EPB41: variants seen among roughly 807,000 people sequenced by gnomAD.
EPB41 encodes erythrocyte membrane protein band 4.1.
EPB41 carries 65 observed loss-of-function variants against 108.0 expected under a neutral mutation model. The ratio of observed to expected loss-of-function variants is 0.60; its 90% CI spans 0.49 to 0.74. The LOEUF (loss-of-function observed/expected upper bound fraction) is 0.74. Among genes scored for constraint, EPB41 ranks in the 30% least tolerant of loss-of-function variants. The pLI is 0.00. For missense variants in EPB41, 875 were observed against 1,037.0 expected (o/e 0.84, Z 2.15); for synonymous variants, 336 against 358.9 (o/e 0.94, Z 0.72).
intron 16 of EPB41, among the ~76,000 whole-genome samples, chr1:29,074,838 G>T (rs1027422772): frequency 6.6e-6 from 1 of 152,194 alleles, no homozygotes; most frequent in African/African-American, 2.4e-5. Context: ...TAACATTGTG[G>T]AGAAAACACA....
intron 15 of EPB41, among the ~76,000 whole-genome samples, chr1:29,064,110 G>A (rs1646957367): frequency 6.6e-6 from 1 of 152,052 alleles, no homozygotes; most frequent in Non-Finnish European, 1.5e-5. Flanking sequence ...TGCTGGAACA[G>A]TTGAATTATT....
intron 1 of EPB41, among the ~76,000 whole-genome samples, chr1:28,899,894 C>A (rs1269360852): frequency 6.6e-6 from 1 of 152,178 alleles, no homozygotes; most frequent in Non-Finnish European, 1.5e-5. Context: ...TCACCCCTTA[C>A]CAGCTGTGAG....
intron 1 of EPB41, among the ~76,000 whole-genome samples, chr1:28,903,322 C>CTTTTTTTTTTTTT (rs1469847584): frequency 4.2e-5 from 6 of 144,404 alleles, no homozygotes; most frequent in African/African-American, 8.0e-5. Context: ...TTTTTCTTTT[C>CTTTTTTTTTTTTT]TTTCTTTTTT....
intron 1 of EPB41, among the ~76,000 whole-genome samples, chr1:28,942,204 A>G (rs12038347): frequency 0.12 from 18,031 of 152,180 alleles, 1,379 homozygotes; most frequent in East Asian, 0.37. Context: ...GCAATTCTCC[A>G]AAGGATAGCA....
intron 1 of EPB41, among the ~76,000 whole-genome samples, chr1:28,892,857 G>A (rs2090279717): frequency 7.4e-6 from 1 of 134,912 alleles, no homozygotes; most frequent in Non-Finnish European, 1.5e-5. Context: ...AGGCTGGAGT[G>A]TAGTGGTGCG....
intron 1 of EPB41, among the ~76,000 whole-genome samples, chr1:28,944,390 A>G (rs1402027298): frequency 6.6e-6 from 1 of 152,230 alleles, no homozygotes; most frequent in East Asian, 1.9e-4. Flanking sequence ...CTCAAAAGAT[A>G]AAAATGCTTG....
intron 9 of EPB41, 81 bp downstream of exon 9, chr1:29,033,326 G>A (rs2096814340): frequency 6.5e-7 from 1 of 1,532,886 alleles, no homozygotes; most frequent in South Asian, 1.1e-5. Context: ...TCCTTATTAA[G>A]TCATCTGAGA....
intron 11 of EPB41, among the ~76,000 whole-genome samples, chr1:29,047,566 T>C (rs2150608269): frequency 6.6e-6 from 1 of 152,080 alleles, no homozygotes; most frequent in East Asian, 1.9e-4. Flanking sequence ...GTTGTGTTTT[T>C]CTAGGAAATG....
intron 12 of EPB41, among the ~76,000 whole-genome samples, chr1:29,057,373 C>CAA (rs72047998): frequency 0.36 from 23,261 of 64,910 alleles, 4,547 homozygotes; most frequent in Non-Finnish European, 0.43. Context: ...GACTCTGTCT[C>CAA]AAAAAAAAAA....
At chr1:28,928,479 G>T (rs1176550172) in intron 1 of EPB41, among the ~76,000 whole-genome samples, 1 of 152,174 alleles carries the variant, frequency 6.6e-6, no homozygotes, top group South Asian at 2.1e-4. Flanking sequence ...AAACAGTACA[G>T]GGGTGTTGGG....
intron 7 of EPB41, among the ~76,000 whole-genome samples, chr1:29,020,069 TTTTTTA>T (rs1346906031): frequency 2.0e-5 from 3 of 152,148 alleles, no homozygotes; most frequent in South Asian, 4.1e-4. Flanking sequence ...ATTGTTTTTA[TTTTTTA>T]TTTTTATTTT....
chr1:28,918,297 C>A (rs1156960383), intron 1 of EPB41, among the ~76,000 whole-genome samples: 3 of 151,964 alleles, frequency 2.0e-5, no homozygotes, highest in Non-Finnish European at 4.4e-5. Flanking sequence ...CGTGATCTGC[C>A]CACGTCCGCC....
At chr1:29,012,843 C>G (rs1002933614) in intron 5 of EPB41, among the ~76,000 whole-genome samples, 3 of 152,120 alleles carry the variant, frequency 2.0e-5, no homozygotes, top group Non-Finnish European at 4.4e-5. Context: ...TATTTGCTTT[C>G]TACCTATAAA....
intron 1 of EPB41, among the ~76,000 whole-genome samples, chr1:28,932,365 C>G (rs2093793077): frequency 6.6e-6 from 1 of 150,706 alleles, no homozygotes; most frequent in Non-Finnish European, 1.5e-5. Context: ...TCAGGTGATC[C>G]ACTCTCCTTG....
intron 1 of EPB41, among the ~76,000 whole-genome samples, chr1:28,950,563 A>G (rs2094677553): frequency 6.6e-6 from 1 of 152,232 alleles, no homozygotes; most frequent in African/African-American, 2.4e-5. Context: ...ACCTTAACAT[A>G]TGGCTACTGT....
intron 16 of EPB41, 182 bp downstream of exon 16, chr1:29,065,340 A>C: frequency 8.6e-7 from 1 of 1,163,630 alleles, no homozygotes; most frequent in South Asian, 2.2e-5. Context: ...CAGGTAGGCT[A>C]CCCAGTGCAA....
rs533293753 is a variant in EPB41 at position 29,068,897 on chromosome 1, T to C, written c.2184+3739T>C. On this transcript the variant is annotated intron_variant, in intron 16 of 20. Coordinates refer to ENST00000343067, the MANE Select transcript of EPB41 (RefSeq NM_001376013.1). ...AGCTGCTGAATACCTTTTTTTCTTT[T>C]GGCTATACTAGTAAATTCACACCCA... 14 of 887,024 alleles carry C rather than the reference T, an allele frequency of 1.6e-5. No homozygotes were observed. In the South Asian group the frequency reaches 7.5e-4, roughly 48 times the overall value. The allele number at this position is 887,024 out of a possible 1,614,324, so 54.9% of individuals were successfully genotyped here.
intron 1 of EPB41, among the ~76,000 whole-genome samples, chr1:28,959,747 A>T (rs979175038): frequency 1.3e-5 from 2 of 152,142 alleles, no homozygotes; most frequent in Non-Finnish European, 2.9e-5. Context: ...AATTTTTAAC[A>T]AAAAGGGGAA....
chr1:28,888,259 T>C (rs892831332), intron 1 of EPB41, among the ~76,000 whole-genome samples: 1 of 152,192 alleles, frequency 6.6e-6, no homozygotes, highest in African/African-American at 2.4e-5. Flanking sequence ...TGGGAGTCCC[T>C]GTGAGAGCTG....
Sources: allele counts gnomAD v4.1 joint callset (sites outside exome capture counted in the v4.1 genomes callset), GRCh38; gene constraint gnomAD v4.1.1; transcripts MANE v1.5; gene names NCBI Gene and HGNC (gene_info 2026-07-23, HGNC 2026-07-21).